DKC1: variants seen among roughly 807,000 people sequenced by gnomAD.
The protein encoded by DKC1 is H/ACA ribonucleoprotein complex subunit DKC1.
DKC1 carries 4 observed loss-of-function variants against 46.7 expected under a neutral mutation model. The observed-to-expected ratio is 0.09, with a 90% CI of 0.04 to 0.20. The LOEUF (loss-of-function observed/expected upper bound fraction) is 0.20. Among genes scored for constraint, DKC1 ranks in the 10% least tolerant of loss-of-function variants. The pLI, the probability that DKC1 is intolerant of heterozygous loss-of-function variation, is 1.00. For synonymous variants in DKC1, 141 were observed against 142.4 expected, an observed-to-expected ratio of 0.99 and a Z score of 0.07; for missense variants, 171 against 404.2, an observed-to-expected ratio of 0.42 and a Z score of 4.95.
intron 2 of DKC1, chrX:154,765,173 A>C: frequency 2.1e-6 from 1 of 470,709 alleles, no homozygotes. Context: ...TGCTGGCCTT[A>C]CCAACTGCTG....
Position 154,774,583 on chromosome X carries a change from C to T in DKC1, c.1156-19C>T. ...AGCATTGACACCATTCTAATGTTGA[C>T]ACCTTGATGTTCCACCAGGCAAGTC... On this transcript the variant is annotated intron_variant, in intron 11 of 14. Transcript: ENST00000369550. The T allele has an allele frequency of 2.5e-6, 3 of 1,191,795 alleles. No homozygotes were observed. Among genetic ancestry groups the T allele is most frequent in the Non-Finnish European group, 3.4e-6 (3 of 877,397 alleles).
chrX:154,773,903 C>T (rs782326892), intron 11 of DKC1, among the ~76,000 whole-genome samples: 39 of 111,581 alleles, frequency 3.5e-4, no homozygotes, highest in Middle Eastern at 9.3e-3. Flanking sequence ...CCTCACCTCC[C>T]GGACGGGGCG....
Position 154,775,176 on chromosome X carries a change from A to AT in DKC1, c.1260-17dup. On this transcript the variant is annotated intron_variant, in intron 12 of 14. Transcript: ENST00000369550. ...GAAAGCCATTCAGTGAATTTGACCT[A>AT]TTGCTACCTCTTTTTCAGTGAGTCT... 8.3e-7 allele frequency: 1 copy of AT among 1,205,664 alleles called. No individual in the cohort carries two copies. The highest frequency in any genetic ancestry group is 1.1e-6 in the Non-Finnish European group (1 of 889,868).
At chrX:154,767,750 A>C (rs782762313) in intron 7 of DKC1, among the ~76,000 whole-genome samples, 1 of 111,849 alleles carries the variant, frequency 8.9e-6, no homozygotes, top group East Asian at 2.8e-4. Context: ...AATTTAAGAC[A>C]ATGCCAATTT....
intron 1 of DKC1, among the ~76,000 whole-genome samples, chrX:154,763,944 C>G (rs180767826): frequency 3.6e-5 from 4 of 110,930 alleles, no homozygotes; most frequent in Non-Finnish European, 5.7e-5. Context: ...GGATCACCTG[C>G]GGTCAGGAGT....
chrX:154,767,411 G>A, intron 7 of DKC1, 29 bp downstream of exon 7: 6 of 1,208,219 alleles, frequency 5.0e-6, no homozygotes, highest in Non-Finnish European at 6.7e-6. Flanking sequence ...GAGTGGGTAT[G>A]AACACATTCT....
At chrX:154,769,857 C>T (rs190122831) in intron 9 of DKC1, among the ~76,000 whole-genome samples, 7 of 111,868 alleles carry the variant, frequency 6.3e-5, no homozygotes, top group Admixed American at 2.8e-4. Context: ...CTCTCCTTAT[C>T]AAACCATTGG....
intron 8 of DKC1, 84 bp from the exon 9 acceptor site, chrX:154,769,083 T>G: frequency 1.0e-6 from 1 of 980,075 alleles, no homozygotes; most frequent in Non-Finnish European, 1.4e-6. Context: ...AGTAAACAAG[T>G]GACATTCAGT....
rs961071971 is a variant in DKC1, at chrX:154,765,030, A to G, written c.84+64A>G. On this transcript the variant is annotated intron_variant, in intron 2 of 14. Transcript: ENST00000369550. Reference sequence around the variant, plus strand: ...GAAAGTTTACTTAAATAACAAACTAAAGGAAAGAAGTGTTTTTAAAGGTTT... The same window carrying G: ...GAAAGTTTACTTAAATAACAAACTAGAGGAAAGAAGTGTTTTTAAAGGTTT... The G allele has an allele frequency of 3.9e-5, 37 of 955,098 alleles. No homozygotes were observed. The African/African-American group carries it at 6.1e-4, about 16-fold the overall frequency. 78.7% of individuals were successfully genotyped at this position (955,098 alleles called of 1,213,427 possible).
At chrX:154,773,033 A>G (rs1557265094) in intron 10 of DKC1, 98 bp from the exon 11 acceptor site, 3 of 596,287 alleles carry the variant, frequency 5.0e-6, no homozygotes. Flanking sequence ...TCAGAGTTTT[A>G]AAAGTTTTAA....
intron 10 of DKC1, among the ~76,000 whole-genome samples, chrX:154,771,364 G>C (rs2071824504): frequency 9.2e-6 from 1 of 108,372 alleles, no homozygotes; most frequent in Admixed American, 9.8e-5. Context: ...CTAATTTTTT[G>C]TATTTTTAGT....
rs375274293 is a variant in DKC1, at chrX:154,773,153, G to C, written c.1059G>C (p.Ala353=). 1.4e-5 allele frequency: 17 copies of C among 1,202,540 alleles called. No individual in the cohort carries two copies. Among genetic ancestry groups the C allele is most frequent in the Non-Finnish European group, 1.9e-5 (17 of 887,688 alleles). The stretch of plus-strand genomic sequence containing the variant: ...TAGCTATTGCATTAATGACCACAGC[G>C]GTCATCTCTACCTGCGACCATGGTA... ...ICMAIALMTT[A]VISTCDHGIV... The change falls in exon 11 of 15, where the codon GCG becomes GCC. Residue 353 remains alanine (A), a synonymous_variant. Transcript: ENST00000369550.
intron 11 of DKC1, among the ~76,000 whole-genome samples, chrX:154,773,773 A>G (rs1008653107): frequency 8.9e-6 from 1 of 112,393 alleles, no homozygotes. Context: ...CTATTCCACA[A>G]AACCGCCATT....
rs979031194 is a variant in DKC1, at chrX:154,766,600, C to T, written c.448+200C>T. 4 of 452,098 alleles carry T rather than the reference C, an allele frequency of 8.8e-6. No homozygotes were observed. In the East Asian group the frequency reaches 1.5e-4, roughly 17 times the overall value. 37.3% of individuals were successfully genotyped at this position (452,098 alleles called of 1,213,427 possible). On this transcript the variant is annotated intron_variant, in intron 5 of 14. Transcript: ENST00000369550. Reference sequence around the variant, plus strand: ...GCTTTTTGGAATTCCACATACTAAGCATGTATTCATCAAGCTGACTGGATC... The same window carrying T: ...GCTTTTTGGAATTCCACATACTAAGTATGTATTCATCAAGCTGACTGGATC...
chrX:154,768,458 T>C (rs781911050), intron 8 of DKC1, 26 bp downstream of exon 8: 1 of 1,210,856 alleles, frequency 8.3e-7, no homozygotes, highest in Non-Finnish European at 1.1e-6. Flanking sequence ...CTAGAAGTTT[T>C]AGAGCTGGTT....
intron 10 of DKC1, 142 bp from the exon 11 acceptor site, chrX:154,772,989 C>T (rs1557265089): frequency 2.2e-6 from 1 of 462,847 alleles, no homozygotes; most frequent in Non-Finnish European, 3.9e-6. Context: ...ATATGCACAT[C>T]CTGAGCAAAG....
rs782376397 is a variant in DKC1, at chrX:154,775,214, G to A, written c.1279G>A (p.Val427Met). Reference protein sequence around the residue: ...VDYSESAKKEVVAEVVKAPQV... With the variant: ...VDYSESAKKEMVAEVVKAPQV... ...TTTCAGTGAGTCTGCCAAAAAAGAG[G>A]TGGTTGCTGAAGTGGTAAAAGCCCC... The change falls in exon 13 of 15, where the codon GTG becomes ATG. Residue 427 changes from valine (V) to methionine (M), a missense_variant. Physicochemically the swap from Val to Met is conservative, Grantham distance 21 (BLOSUM62 1). This residue lies in a region of DKC1 where 60 missense variants were observed against 206.5 expected (regional missense o/e 0.29). Transcript: ENST00000369550. 1 of 1,210,807 alleles carries A rather than the reference G, an allele frequency of 8.3e-7. No individual in the cohort carries two copies. Among genetic ancestry groups the A allele is most frequent in the African/African-American group, 1.7e-5 (1 of 57,409 alleles).
chrX:154,771,814 A>G (rs781824040), intron 10 of DKC1, among the ~76,000 whole-genome samples: 1 of 112,052 alleles, frequency 8.9e-6, no homozygotes, highest in African/African-American at 3.2e-5. Flanking sequence ...GTTGCTTCCA[A>G]ATCTTGGCTA....
intron 14 of DKC1, 70 bp downstream of exon 14, chrX:154,776,394 G>A: frequency 8.7e-7 from 1 of 1,144,204 alleles, no homozygotes; most frequent in Non-Finnish European, 1.2e-6. Context: ...TACCCAGGTG[G>A]TACCAGCTTT....
Sources: gnomAD v4.1 joint callset for allele counts (sites outside exome capture counted in the v4.1 genomes callset) on GRCh38, gnomAD v4.1.1 for gene constraint, gnomAD v4.1.1 regional missense constraint, MANE v1.5 for transcripts, NCBI Gene and HGNC (gene_info 2026-07-23, HGNC 2026-07-21) for gene names.